The following C4orf51 variants were observed in gnomAD, a reference collection of about 807,000 sequenced individuals.
The protein encoded by C4orf51 is chromosome 4 open reading frame 51.
C4orf51 carries 25 observed loss-of-function variants against 25.2 expected under a neutral mutation model. The observed-to-expected ratio is 0.99, with a 90% CI of 0.72 to 1.39. C4orf51 has a LOEUF of 1.39. C4orf51 is among the 40% of genes most tolerant of loss of function. The pLI is 0.00. For missense variants in C4orf51, 252 were observed against 239.6 expected, an observed-to-expected ratio of 1.05 and a Z score of -0.34; for synonymous variants, 100 against 84.5, an observed-to-expected ratio of 1.18 and a Z score of -1.01.
At chr4:145,784,645 A>G in the C4orf51 span, among the ~76,000 whole-genome samples, 1 of 152,250 alleles carries the variant, frequency 6.6e-6, no homozygotes, top group African/African-American at 2.4e-5. Context: ...TAATATTTGT[A>G]AAAGAAAAGT....
At chr4:145,748,102 A>G (rs1733470829) in intron 1 of C4orf51, among the ~76,000 whole-genome samples, 1 of 151,942 alleles carries the variant, frequency 6.6e-6, no homozygotes. Flanking sequence ...GGGTTTCTAC[A>G]TGGTTCAATC....
At chr4:145,692,449 C>T (rs531766244) in intron 1 of C4orf51, among the ~76,000 whole-genome samples, 2 of 152,312 alleles carry the variant, frequency 1.3e-5, no homozygotes, top group South Asian at 2.1e-4. Flanking sequence ...CCAGTGACCA[C>T]CTGTATCAGA....
At chr4:145,740,231 C>A in intron 1 of C4orf51, among the ~76,000 whole-genome samples, 1 of 118,850 alleles carries the variant, frequency 8.4e-6, no homozygotes, top group African/African-American at 3.4e-5. Context: ...AGCTATCTCT[C>A]CCTTTCTGCA....
At chr4:145,782,781 C>T in the C4orf51 span, among the ~76,000 whole-genome samples, 1 of 152,332 alleles carries the variant, frequency 6.6e-6, no homozygotes, top group African/African-American at 2.4e-5. Context: ...CACCCGAATG[C>T]TTGGCAAAGT....
chr4:145,777,011 C>T, the C4orf51 span, among the ~76,000 whole-genome samples: 350 of 152,326 alleles, frequency 2.3e-3, no homozygotes, highest in Middle Eastern at 6.8e-3. Context: ...GAAAGAACAA[C>T]TCCAGTGTTC....
chr4:145,752,622 G>A (rs1054822253), intron 1 of C4orf51, among the ~76,000 whole-genome samples: 1 of 152,194 alleles, frequency 6.6e-6, no homozygotes, highest in African/African-American at 2.4e-5. Context: ...TTGGTGGAGG[G>A]TTGGCATGGG....
At chr4:145,758,798 G>C (rs949064295), downstream of C4orf51, 1 of 152,212 alleles carries the variant, frequency 6.6e-6, no homozygotes, top group East Asian at 1.9e-4. Flanking sequence ...AGTGTAAACA[G>C]GTTTGCCAGG....
intron 1 of C4orf51, among the ~76,000 whole-genome samples, chr4:145,683,609 G>A (rs1728963689): frequency 6.6e-6 from 1 of 152,140 alleles, no homozygotes; most frequent in Non-Finnish European, 1.5e-5. Flanking sequence ...TAGTCGACTG[G>A]TCTTTGACAA....
chr4:145,680,369 C>A lies in C4orf51; in HGVS notation c.166C>A (p.Gln56Lys). The A allele has an allele frequency of 6.2e-7, 1 of 1,613,956 alleles. No individual in the cohort carries two copies. Among genetic ancestry groups the A allele is most frequent in the Non-Finnish European group, 8.5e-7 (1 of 1,179,846 alleles). ...ATACACAGGCAGTTACCGGAAAAAA[C>A]AACTGGACAAGTCCATGTGCAGCCA... ...TTYTGSYRKKQLDKSMCSQFS... is the reference protein window; with the variant it reads ...TTYTGSYRKKKLDKSMCSQFS... Residue 56 changes from glutamine to lysine, a missense_variant, in exon 1 of 6, where the codon CAA becomes AAA. Physicochemically the swap from Gln to Lys is moderately conservative, Grantham distance 53. Transcript: ENST00000438731.
intron 1 of C4orf51, among the ~76,000 whole-genome samples, chr4:145,741,641 G>C (rs1432513325): frequency 6.6e-6 from 1 of 152,074 alleles, no homozygotes; most frequent in Non-Finnish European, 1.5e-5. Flanking sequence ...GAGAAGGAAA[G>C]CTTTGGGGTC....
chr4:145,785,912 TC>T, the C4orf51 span, among the ~76,000 whole-genome samples: 2 of 152,222 alleles, frequency 1.3e-5, no homozygotes, highest in African/African-American at 4.8e-5. Context: ...TTTCTCCATT[TC>T]TGTTATTAAA....
At chr4:145,693,785 G>A (rs1465339278) in intron 1 of C4orf51, among the ~76,000 whole-genome samples, 3 of 89,484 alleles carry the variant, frequency 3.4e-5, no homozygotes, top group African/African-American at 4.9e-5. Flanking sequence ...CAGTAGGGGC[G>A]GCCGGGCAGA....
chr4:145,718,984 G>A lies in C4orf51; in HGVS notation c.308-7927G>A, dbSNP rs148514052. ...AAAATAAGTTTTTCACATTCTCAGC[G>A]TCTTCATCTCTATCTTGATGCCTGC... On this transcript the variant is annotated intron_variant, in intron 2 of 5. Transcript: ENST00000438731. 6.8e-4 allele frequency among the ~76,000 whole-genome samples: 103 copies of A among 152,244 alleles called. 2 individuals are homozygous for A. In the East Asian group the frequency reaches 0.014, roughly 20 times the overall value.
intron 1 of C4orf51, among the ~76,000 whole-genome samples, chr4:145,768,396 C>A (rs887703062): frequency 7.2e-5 from 11 of 152,104 alleles, no homozygotes; most frequent in African/African-American, 2.7e-4. Flanking sequence ...AACTCCTGAC[C>A]TCAAGTGATC....
chr4:145,740,167 A>G (rs898583031), intron 1 of C4orf51, among the ~76,000 whole-genome samples: 1 of 140,336 alleles, frequency 7.1e-6, no homozygotes, highest in Admixed American at 7.7e-5. Flanking sequence ...TTCACTTTGT[A>G]TGTAACTAGG....
intron 1 of C4orf51, among the ~76,000 whole-genome samples, chr4:145,749,671 G>A (rs1462622456): frequency 6.6e-6 from 1 of 152,016 alleles, no homozygotes; most frequent in African/African-American, 2.4e-5. Flanking sequence ...GTCTCACTCT[G>A]TTGCCCAGGC....
chr4:145,755,053 G>T (rs6537375), downstream of C4orf51, among the ~76,000 whole-genome samples: 62,563 of 152,004 alleles, frequency 0.41, 14,108 homozygotes, highest in Non-Finnish European at 0.53. Context: ...AAATATTGAG[G>T]TGCCATTTTT....
Position 145,696,595 on chromosome 4 carries a change from C to T in C4orf51, c.270C>T (p.Leu90=), listed in dbSNP as rs1210992570. 10 of 1,613,746 alleles carry T rather than the reference C, an allele frequency of 6.2e-6. No homozygotes were observed. Among genetic ancestry groups the T allele is most frequent in the East Asian group, 2.2e-5 (1 of 44,888 alleles). The stretch of plus-strand genomic sequence containing the variant: ...CAAACAGTTCTGCCTGTCATCTTCT[C>T]TGCTGGGCTGGTACCCAAGAGACTA... ...SLTNSSACHL[L]CWAGTQETTD... The change falls in exon 2 of 6, where the codon CTC becomes CTT. Residue 90 remains leucine, a synonymous_variant. Coordinates refer to ENST00000438731, the MANE Select transcript of C4orf51 (RefSeq NM_001080531.3).
chr4:145,740,661 C>A (rs1733050753), intron 1 of C4orf51, among the ~76,000 whole-genome samples: 1 of 152,208 alleles, frequency 6.6e-6, no homozygotes, highest in Admixed American at 6.5e-5. Context: ...CTGCAAAGTA[C>A]TCCCCTCAAA....
Sources: gnomAD v4.1 joint callset for allele counts (sites outside exome capture counted in the v4.1 genomes callset) on GRCh38, gnomAD v4.1.1 for gene constraint, MANE v1.5 for transcripts, NCBI Gene and HGNC (gene_info 2026-07-23, HGNC 2026-07-21) for gene names.